CFAP58: variants seen among roughly 807,000 people sequenced by gnomAD.
CFAP58 encodes the protein cilia- and flagella-associated protein 58.
CFAP58 carries 88 observed loss-of-function variants against 119.5 expected under a neutral mutation model. The observed-to-expected ratio is 0.74, with a 90% CI of 0.62 to 0.88. The LOEUF is 0.88. CFAP58 is among the 40% of genes least tolerant of loss of function. CFAP58 has a pLI of 0.00. For synonymous variants in CFAP58, 365 were observed against 366.3 expected (o/e 1.00, Z 0.04); for missense variants, 990 against 1,021.2 (o/e 0.97, Z 0.42).
At chr10:104,414,958 C>T (rs1256302573) in intron 15 of CFAP58, among the ~76,000 whole-genome samples, 2 of 152,204 alleles carry the variant, frequency 1.3e-5, no homozygotes, top group Non-Finnish European at 2.9e-5. Flanking sequence ...TGAACACTCC[C>T]CACGCCCGTG....
intron 9 of CFAP58, among the ~76,000 whole-genome samples, chr10:104,391,807 CG>C (rs777384821): frequency 3.9e-5 from 6 of 152,180 alleles, no homozygotes; most frequent in Non-Finnish European, 5.9e-5. Flanking sequence ...TTTTCTTTCT[CG>C]TGGTTAACTT....
At chr10:104,345,431 A>G in the CFAP58 span, among the ~76,000 whole-genome samples, 104 of 152,116 alleles carry the variant, frequency 6.8e-4, 2 homozygotes, top group Non-Finnish European at 2.9e-4. Context: ...AGAATCTTAA[A>G]TGTTCGTGTA....
chr10:104,349,509 A>G (rs2014435637), upstream of CFAP58, among the ~76,000 whole-genome samples: 1 of 152,116 alleles, frequency 6.6e-6, no homozygotes. Context: ...ATTTTAACTT[A>G]ATCACCTCTT....
At chr10:104,371,091 T>C (rs2014817550) in intron 7 of CFAP58, 37 bp downstream of exon 7, 13 of 1,571,420 alleles carry the variant, frequency 8.3e-6, no homozygotes, top group Non-Finnish European at 1.1e-5. Context: ...TTAGAAACAT[T>C]TTATTGGTGA....
At chr10:104,351,154 T>C (rs1294510282), upstream of CFAP58, among the ~76,000 whole-genome samples, 4 of 152,206 alleles carry the variant, frequency 2.6e-5, no homozygotes, top group Non-Finnish European at 5.9e-5. Context: ...TTCTATTAGC[T>C]TGGCTTACAG....
intron 15 of CFAP58, among the ~76,000 whole-genome samples, chr10:104,410,588 C>T (rs11819257): frequency 0.014 from 2,200 of 152,294 alleles, 31 homozygotes; most frequent in South Asian, 0.053. Context: ...ACTGAGAAGT[C>T]TGCTGTACGT....
chr10:104,402,021 C>A (rs928392132), intron 13 of CFAP58, among the ~76,000 whole-genome samples: 1 of 152,198 alleles, frequency 6.6e-6, no homozygotes, highest in Non-Finnish European at 1.5e-5. Flanking sequence ...ACATTTTATC[C>A]ATTCCCATTC....
rs1211133195 is a variant in CFAP58 at position 104,437,397 on chromosome 10, C to T, written c.2257-10301C>T. 4.6e-5 allele frequency among the ~76,000 whole-genome samples: 7 copies of T among 152,314 alleles called. No homozygotes were observed. In the South Asian group the frequency reaches 8.3e-4, roughly 18 times the overall value. On this transcript the variant is annotated intron_variant, in intron 15 of 17. Transcript: ENST00000369704. ...CGAGCTTGCCATTTATGTGACTATT[C>T]CTTACTCAGACATCCCTCCAGCATC...
At position 104,455,088 on chromosome 10, in the gene CFAP58, G is replaced by T. The variant is rs1050911064; in HGVS notation, c.*558G>T. On this transcript the variant is annotated 3_prime_UTR_variant, in exon 18 of 18. Coordinates refer to ENST00000369704, the MANE Select transcript of CFAP58 (RefSeq NM_001008723.2). The stretch of plus-strand genomic sequence containing the variant: ...ATACTTCATTATAAAAAATAAAAAA[G>T]AATCTTTGTAGAGATTTTGATACTT... The T allele has an allele frequency of 2.0e-5, 3 of 152,136 alleles. No homozygotes were observed. Among genetic ancestry groups the T allele is most frequent in the African/African-American group, 7.2e-5 (3 of 41,414 alleles). The allele number at this position is 152,136 out of a possible 1,614,324, so 9.4% of individuals were successfully genotyped here.
At chr10:104,385,207 G>T (rs1387686681) in intron 9 of CFAP58, among the ~76,000 whole-genome samples, 9 of 152,100 alleles carry the variant, frequency 5.9e-5, no homozygotes, top group Non-Finnish European at 1.2e-4. Flanking sequence ...CAGAGCCACA[G>T]CAAGTAGAAG....
the CFAP58 span, among the ~76,000 whole-genome samples, chr10:104,344,151 A>G: frequency 6.6e-6 from 1 of 152,276 alleles, no homozygotes; most frequent in African/African-American, 2.4e-5. Context: ...GGCTTGGGAA[A>G]GAACAGTCAG....
intron 13 of CFAP58, among the ~76,000 whole-genome samples, chr10:104,402,228 C>T (rs956399690): frequency 2.0e-5 from 3 of 152,152 alleles, no homozygotes; most frequent in East Asian, 3.8e-4. Context: ...ATCAATGTGC[C>T]TAGTATAGAG....
At chr10:104,389,578 A>T (rs1452288269) in intron 9 of CFAP58, among the ~76,000 whole-genome samples, 1 of 152,194 alleles carries the variant, frequency 6.6e-6, no homozygotes, top group Non-Finnish European at 1.5e-5. Context: ...AGATTCTCCC[A>T]TAACACTTGG....
chr10:104,422,742 A>G (rs945149893), intron 15 of CFAP58, among the ~76,000 whole-genome samples: 6 of 152,214 alleles, frequency 3.9e-5, no homozygotes, highest in African/African-American at 9.6e-5. Flanking sequence ...AGAAAGGGCA[A>G]TCCTCAATAT....
intron 9 of CFAP58, among the ~76,000 whole-genome samples, chr10:104,389,632 A>G (rs2011993348): frequency 6.6e-6 from 1 of 152,176 alleles, no homozygotes; most frequent in African/African-American, 2.4e-5. Flanking sequence ...TTGATTATCC[A>G]TTCTATGGTG....
intron 9 of CFAP58, among the ~76,000 whole-genome samples, chr10:104,390,095 A>T (rs1160603453): frequency 6.6e-6 from 1 of 152,224 alleles, no homozygotes; most frequent in African/African-American, 2.4e-5. Context: ...GAAAATATAT[A>T]TGTCTTTTGA....
chr10:104,419,375 C>T (rs2012616554), intron 15 of CFAP58, among the ~76,000 whole-genome samples: 1 of 152,120 alleles, frequency 6.6e-6, no homozygotes, highest in Admixed American at 6.5e-5. Flanking sequence ...CTGATGGGCA[C>T]ATTTTCAAAG....
rs2012251057 is a variant in CFAP58 at position 104,400,841 on chromosome 10, CAA to C, written c.1978_1979del (p.Lys660GlufsTer15). The C allele has an allele frequency of 6.2e-7, 1 of 1,614,000 alleles. No individual in the cohort carries two copies. Among genetic ancestry groups the C allele is most frequent in the Admixed American group, 1.7e-5 (1 of 59,982 alleles). On this transcript the variant is annotated frameshift_variant, in exon 13 of 18. Coordinates refer to ENST00000369704, the MANE Select transcript of CFAP58 (RefSeq NM_001008723.2). LOFTEE classifies it high-confidence loss of function. Reference protein sequence around the residue: ...EDMRILRLEIKKLRREKGILA... With the variant: ...EDMRILRLEIXKLRREKGILA... ...ACATGAGAATCCTCAGACTTGAGAT[CAA>C]GAAGCTTCGCCGGGAAAAGGGGATT...
chr10:104,365,775 G>T, intron 4 of CFAP58, 39 bp from the exon 5 acceptor site: 1 of 1,556,632 alleles, frequency 6.4e-7, no homozygotes, highest in Non-Finnish European at 8.7e-7. Context: ...CATGGTCAGG[G>T]CTCATCTCTT....
Sources: allele counts gnomAD v4.1 joint callset (sites outside exome capture counted in the v4.1 genomes callset), GRCh38; gene constraint gnomAD v4.1.1; transcripts MANE v1.5; gene names NCBI Gene and HGNC (gene_info 2026-07-23, HGNC 2026-07-21).